Variants in RPRD2 observed in about 807,000 individuals in gnomAD.
The protein encoded by RPRD2 is regulation of nuclear pre-mRNA domain containing 2, also known as regulation of nuclear pre-mRNA domain-containing protein 2.
In RPRD2, 12 loss-of-function variants were observed where a neutral mutation model predicts 104.4. That is an observed-to-expected ratio of 0.11 (90% confidence interval 0.07 to 0.19). The LOEUF (loss-of-function observed/expected upper bound fraction) is 0.19, where lower values mean the gene tolerates loss of function less well. Ranked by LOEUF, RPRD2 falls within the 10% of genes least tolerant of loss-of-function variation. The pLI is 1.00. For missense variants in RPRD2, 1,543 were observed against 1,790.1 expected (o/e 0.86, Z 2.49); for synonymous variants, 714 against 684.9 (o/e 1.04, Z -0.66).
chr1:150,376,608 C>T (rs1417269022), intron 1 of RPRD2, among the ~76,000 whole-genome samples: 1 of 151,510 alleles, frequency 6.6e-6, no homozygotes, highest in Non-Finnish European at 1.5e-5. Flanking sequence ...TCACGCCATT[C>T]TCTCGCCTCA....
intron 2 of RPRD2, among the ~76,000 whole-genome samples, chr1:150,436,320 G>T (rs916812175): frequency 6.6e-6 from 1 of 152,150 alleles, no homozygotes; most frequent in Non-Finnish European, 1.5e-5. Context: ...AATACAAACC[G>T]GCCGGGCATG....
intron 1 of RPRD2, among the ~76,000 whole-genome samples, chr1:150,378,318 AAATT>A (rs1553880033): frequency 6.6e-6 from 1 of 152,212 alleles, no homozygotes; most frequent in Non-Finnish European, 1.5e-5. Context: ...AAATGACAAT[AAATT>A]AAGTACTTGA....
At chr1:150,430,587 G>GCTT (rs1460637023) in intron 2 of RPRD2, among the ~76,000 whole-genome samples, 1 of 151,972 alleles carries the variant, frequency 6.6e-6, no homozygotes, top group Non-Finnish European at 1.5e-5. Flanking sequence ...GATCATTTGA[G>GCTT]CCTGGGAGAT....
chr1:150,439,471 C>T (rs1666261670), intron 2 of RPRD2, among the ~76,000 whole-genome samples: 1 of 152,062 alleles, frequency 6.6e-6, no homozygotes, highest in African/African-American at 2.4e-5. Context: ...CTGAGTGAGA[C>T]CCTGTCTCAA....
At chr1:150,404,289 C>T (rs1334623897) in intron 1 of RPRD2, among the ~76,000 whole-genome samples, 1 of 152,068 alleles carries the variant, frequency 6.6e-6, no homozygotes, top group African/African-American at 2.4e-5. Flanking sequence ...CTCTGTTATT[C>T]AGGTTGGAGT....
chr1:150,382,698 C>T (rs781909207), intron 1 of RPRD2, among the ~76,000 whole-genome samples: 5 of 152,024 alleles, frequency 3.3e-5, no homozygotes, highest in African/African-American at 4.8e-5. Context: ...TTGTTGGGTG[C>T]GGTGGTACTT....
chr1:150,423,631 C>G (rs1383198278), intron 2 of RPRD2, among the ~76,000 whole-genome samples: 5 of 151,916 alleles, frequency 3.3e-5, no homozygotes, highest in African/African-American at 1.2e-4. Context: ...CAGTTAAATA[C>G]CCATAATCTG....
intron 7 of RPRD2, among the ~76,000 whole-genome samples, chr1:150,450,478 G>C (rs1667080520): frequency 6.6e-6 from 1 of 150,912 alleles, no homozygotes; most frequent in African/African-American, 2.4e-5. Context: ...GTGGTGGCGG[G>C]AGCCTGTAGT....
chr1:150,413,031 T>C (rs2102261270), intron 1 of RPRD2, among the ~76,000 whole-genome samples: 1 of 151,092 alleles, frequency 6.6e-6, no homozygotes, highest in Middle Eastern at 3.4e-3. Context: ...TTGGCAACAA[T>C]ATAGGGAGGA....
At chr1:150,437,194 GGT>G in intron 2 of RPRD2, among the ~76,000 whole-genome samples, 1 of 151,780 alleles carries the variant, frequency 6.6e-6, no homozygotes, top group South Asian at 2.1e-4. Context: ...CATAGGGAGA[GGT>G]CAAAATATCA....
At chr1:150,431,602 T>A (rs1198610475) in intron 2 of RPRD2, among the ~76,000 whole-genome samples, 19 of 150,040 alleles carry the variant, frequency 1.3e-4, no homozygotes, top group Non-Finnish European at 2.1e-4. Context: ...TGCCTCAGCC[T>A]TCTGAGTAGC....
At chr1:150,440,078 G>A (rs1009222913) in intron 2 of RPRD2, among the ~76,000 whole-genome samples, 1 of 151,918 alleles carries the variant, frequency 6.6e-6, no homozygotes, top group African/African-American at 2.4e-5. Context: ...CCCATGTAGC[G>A]GGTACTACAA....
At chr1:150,443,965 C>G (rs948498167) in intron 5 of RPRD2, among the ~76,000 whole-genome samples, 3 of 152,098 alleles carry the variant, frequency 2.0e-5, no homozygotes, top group African/African-American at 4.8e-5. Context: ...TTGCAGTGAG[C>G]CGAGATCGTG....
Position 150,440,749 on chromosome 1 carries a change from ATAATCT to A in RPRD2, c.336-170_336-165del, listed in dbSNP as rs140180890. On this transcript the variant is annotated intron_variant, in intron 2 of 10. Coordinates refer to ENST00000369068, the MANE Select transcript of RPRD2 (RefSeq NM_015203.5). Reference sequence around the variant, plus strand: ...GTAATTATTTTAAGTTTAAGTTAAAATAATCTTAAAGTTTAAGATTTCTTTAGTCCT... The same window carrying A: ...GTAATTATTTTAAGTTTAAGTTAAAATAAAGTTTAAGATTTCTTTAGTCCT... 3.5e-3 allele frequency among the ~76,000 whole-genome samples: 530 copies of A among 152,330 alleles called. 5 individuals carry two copies. The highest frequency in any genetic ancestry group is 0.012 in the African/African-American group (501 of 41,580).
In RPRD2 at chr1:150,364,849, G is replaced by T. The variant is rs1572324184; in HGVS notation, c.135G>T (p.Ser45=). 2.5e-6 allele frequency: 4 copies of T among 1,613,900 alleles called. No homozygotes were observed. In the East Asian group the frequency reaches 8.9e-5, roughly 36 times the overall value. ...TNTMESIQGL[S]SWCIENKKHH... ...CCATGGAGTCCATTCAAGGCTTGTC[G>T]TCTTGGTGTATAGAGAACAAAAAAC... The change falls in exon 1 of 11, where the codon TCG becomes TCT. Residue 45 remains serine (S), a synonymous_variant. Transcript: ENST00000369068.
At chr1:150,460,728 A>AT (rs781841942) in intron 9 of RPRD2, among the ~76,000 whole-genome samples, 1,350 of 125,566 alleles carry the variant, frequency 0.011, 10 homozygotes, top group African/African-American at 0.03. Context: ...TTAATTAATG[A>AT]TTTTTTTTTT....
At chr1:150,438,514 A>T (rs1666175984) in intron 2 of RPRD2, among the ~76,000 whole-genome samples, 2 of 151,832 alleles carry the variant, frequency 1.3e-5, no homozygotes, top group Admixed American at 1.3e-4. Flanking sequence ...CTATAATCCC[A>T]GCTACCCCGG....
intron 4 of RPRD2, 83 bp from the exon 5 acceptor site, chr1:150,443,148 C>T (rs1314317932): frequency 1.1e-6 from 1 of 906,686 alleles, no homozygotes; most frequent in African/African-American, 1.7e-5. Context: ...CAGAGTATAT[C>T]TTTAACTATA....
At chr1:150,421,969 G>A (rs1483532044) in intron 2 of RPRD2, among the ~76,000 whole-genome samples, 4 of 152,032 alleles carry the variant, frequency 2.6e-5, no homozygotes, top group Admixed American at 1.3e-4. Flanking sequence ...GGGTGACAGA[G>A]CAAGACGCTA....
Sources: gnomAD v4.1 joint callset for allele counts (sites outside exome capture counted in the v4.1 genomes callset) on GRCh38, gnomAD v4.1.1 for gene constraint, MANE v1.5 for transcripts, NCBI Gene and HGNC (gene_info 2026-07-23, HGNC 2026-07-21) for gene names.